The following SLC27A5 variants were observed in gnomAD, a reference collection of about 807,000 sequenced individuals.
SLC27A5 encodes long-chain fatty acid transport protein 5.
A neutral mutation model predicts 63.1 loss-of-function variants in SLC27A5; 47 were observed. That is an observed-to-expected ratio of 0.74 (90% CI 0.59 to 0.95). SLC27A5 has a LOEUF of 0.95. Among genes scored for constraint, SLC27A5 ranks in the 40% least tolerant of loss-of-function variants. The pLI, the probability that SLC27A5 is intolerant of heterozygous loss-of-function variation, is 0.00. For synonymous variants in SLC27A5, 391 were observed against 403.8 expected, an observed-to-expected ratio of 0.97 and a Z score of 0.38; for missense variants, 940 against 921.0, an observed-to-expected ratio of 1.02 and a Z score of -0.27.
intron 4 of SLC27A5, 141 bp from the exon 5 acceptor site, chr19:58,500,847 T>C: frequency 6.9e-7 from 1 of 1,446,766 alleles, no homozygotes; most frequent in Non-Finnish European, 9.1e-7. Flanking sequence ...CTAAGGGATC[T>C]ACCTGGGTTA....
At chr19:58,500,066 C>A (rs1175116509) in intron 6 of SLC27A5, among the ~76,000 whole-genome samples, 3 of 151,976 alleles carry the variant, frequency 2.0e-5, no homozygotes, top group African/African-American at 7.3e-5. Flanking sequence ...ATGCCGTCTT[C>A]CACAGAAAGC....
chr19:58,500,196 G>C lies in SLC27A5; in HGVS notation c.1468+143C>G, dbSNP rs55812926. On this transcript the variant is annotated intron_variant, in intron 6 of 9. Coordinates refer to ENST00000263093, the MANE Select transcript of SLC27A5 (RefSeq NM_012254.3). Reference sequence around the variant, plus strand: ...GAGGCCCCAGATGGTGGTAAGGCAGGCCACTGGCTCAGGGTCCAGATGAAG... The same window carrying C: ...GAGGCCCCAGATGGTGGTAAGGCAGCCCACTGGCTCAGGGTCCAGATGAAG... 1.1e-3 allele frequency: 762 copies of C among 673,640 alleles called. 6 individuals carry two copies. In the African/African-American group the frequency reaches 0.013, roughly 11 times the overall value. The allele number at this position is 673,640 out of a possible 1,614,324, so 41.7% of individuals were successfully genotyped here. A position where few individuals can be genotyped will look rare whatever the true frequency, so the allele number is the denominator to read the frequency against.
chr19:58,510,046 C>G (rs758701658), intron 2 of SLC27A5, 41 bp from the exon 3 acceptor site: 29 of 1,597,152 alleles, frequency 1.8e-5, no homozygotes, highest in Non-Finnish European at 2.5e-5. Context: ...GGTGACATGA[C>G]AGCACAGAGA....
chr19:58,501,662 G>A (rs770974584), intron 3 of SLC27A5, among the ~76,000 whole-genome samples: 5 of 152,156 alleles, frequency 3.3e-5, no homozygotes, highest in Admixed American at 1.3e-4. Flanking sequence ...AATAAGGGCT[G>A]TAAATATTAA....
intron 3 of SLC27A5, among the ~76,000 whole-genome samples, chr19:58,502,933 GAGGATC>G (rs1568629168): frequency 2.0e-4 from 31 of 152,210 alleles, no homozygotes; most frequent in East Asian, 1.2e-3. Context: ...GTGGCTGGGT[GAGGATC>G]GTCACGCCTG....
Position 58,510,793 on chromosome 19 carries a change from C to G in SLC27A5, c.826G>C (p.Val276Leu), listed in dbSNP as rs780287457. 1 of 1,613,680 alleles carries G rather than the reference C, an allele frequency of 6.2e-7. No homozygotes were observed. Among genetic ancestry groups the G allele is most frequent in the South Asian group, 1.1e-5 (1 of 90,990 alleles). The change falls in exon 2 of 10, where the codon GTG becomes CTG. Residue 276 changes from valine to leucine, a missense_variant. Coordinates refer to ENST00000263093, the MANE Select transcript of SLC27A5 (RefSeq NM_012254.3). ...ATCCCAGCACGCAGGTCAGCAGGCACTGGGTGGGAGGGCGCTGCATCCAGG... is the reference window on the plus strand; with the variant it reads ...ATCCCAGCACGCAGGTCAGCAGGCAGTGGGTGGGAGGGCGCTGCATCCAGG... ...AALDAAPSHP[V>L]PADLRAGITW...
chr19:58,501,478 A>C (rs2053273540), intron 3 of SLC27A5, 68 bp from the exon 4 acceptor site: 2 of 1,534,448 alleles, frequency 1.3e-6, no homozygotes, highest in African/African-American at 2.7e-5. Flanking sequence ...TGCTTTTAGC[A>C]CCTGTGCTCA....
Position 58,503,828 on chromosome 19 carries a change from A to G in SLC27A5, c.1058-2418T>C, listed in dbSNP as rs920155435. ...AAACAAACAAACAAAAAAACAGCCA[A>G]TTGGCTGGGCACAGTAGCTCACACC... is the stretch of plus-strand genomic sequence containing the variant. On this transcript the variant is annotated intron_variant, in intron 3 of 9. Transcript: ENST00000263093. Among the ~76,000 whole-genome samples, 19 of 152,262 alleles carry G rather than the reference A, an allele frequency of 1.2e-4. 1 individual carries two copies. In the East Asian group the frequency reaches 3.3e-3, roughly 26 times the overall value.
intron 3 of SLC27A5, 92 bp from the exon 4 acceptor site, chr19:58,501,502 C>T: frequency 7.2e-7 from 1 of 1,396,648 alleles, no homozygotes; most frequent in Non-Finnish European, 9.9e-7. Context: ...ACCCCCACAC[C>T]CTGAAATACA....
Position 58,511,896 on chromosome 19 carries a change from C to G in SLC27A5, c.60G>C (p.Leu20=). 6.5e-7 allele frequency: 1 copy of G among 1,549,508 alleles called. No homozygotes were observed. Among genetic ancestry groups the G allele is most frequent in the Non-Finnish European group, 8.7e-7 (1 of 1,147,080 alleles). Residue 20 remains leucine, a synonymous_variant, in exon 1 of 10, where the codon CTG becomes CTC. Coordinates refer to ENST00000263093, the MANE Select transcript of SLC27A5 (RefSeq NM_012254.3). Reference sequence around the variant, plus strand: ...CAGCGACTGGCCACACTGGCTGCCCCAGGCCCCAGAGCAGGAGCAGCAGCA... The same window carrying G: ...CAGCGACTGGCCACACTGGCTGCCCGAGGCCCCAGAGCAGGAGCAGCAGCA... The part of the protein sequence containing the change: ...LLLLLLLLWG[L]GQPVWPVAVA...
In SLC27A5 at chr19:58,504,577, G is replaced by C. The variant is rs1231169477; in HGVS notation, c.1058-3167C>G. 5.1e-4 allele frequency among the ~76,000 whole-genome samples: 26 copies of C among 51,332 alleles called. 2 individuals are homozygous for C. The East Asian group carries it at 5.2e-3, about 10-fold the overall frequency. The allele number at this position is 51,332 out of a possible 152,430, so 33.7% of individuals were successfully genotyped here. On this transcript the variant is annotated intron_variant, in intron 3 of 9. Coordinates refer to ENST00000263093, the MANE Select transcript of SLC27A5 (RefSeq NM_012254.3). ...GGCAGAAAACTGATTGAACCCTGGGGGGGGGGGGGGGGCGGGCGGGGCGGA... is the reference window on the plus strand; with the variant it reads ...GGCAGAAAACTGATTGAACCCTGGGCGGGGGGGGGGGGCGGGCGGGGCGGA...
In SLC27A5 at chr19:58,500,345, C is replaced by T. The variant is rs759139836; in HGVS notation, c.1462G>A (p.Gly488Arg). The T allele has an allele frequency of 1.2e-6, 2 of 1,612,892 alleles. No homozygotes were observed. The highest frequency in any genetic ancestry group is 2.2e-5 in the South Asian group (2 of 91,082). ...GGCTCCTCAACCCCCATACCTAGCCCTACAGGGATGCAGAAGCCCTGATTG... is the reference window on the plus strand; with the variant it reads ...GGCTCCTCAACCCCCATACCTAGCCTTACAGGGATGCAGAAGCCCTGATTG... ...RDNQGFCIPVGLGEPGLLLTK... is the reference protein window; with the variant it reads ...RDNQGFCIPVRLGEPGLLLTK... Residue 488 changes from glycine (G) to arginine (R), a missense_variant, in exon 6 of 10, where the codon GGG becomes AGG. Coordinates refer to ENST00000263093, the MANE Select transcript of SLC27A5 (RefSeq NM_012254.3).
At chr19:58,507,663 C>G (rs2053362431) in intron 3 of SLC27A5, 1 of 152,096 alleles carries the variant, frequency 6.6e-6, no homozygotes, top group Non-Finnish European at 1.5e-5. Flanking sequence ...TTGCAGAGAG[C>G]CTATAAGTGG....
At chr19:58,501,736 C>A (rs1352714131) in intron 3 of SLC27A5, among the ~76,000 whole-genome samples, 1 of 152,216 alleles carries the variant, frequency 6.6e-6, no homozygotes, top group Non-Finnish European at 1.5e-5. Flanking sequence ...TGCAGTGGTG[C>A]AATCTCCGCT....
Position 58,500,718 on chromosome 19 carries a change from T to C in SLC27A5, c.1183-12A>G. ...CGGTCCTCTGGTTGCTACAGGAATG[T>C]CCCCAGAAGGGTGAGGAGGAGGTGC... On this transcript the variant is annotated splice_polypyrimidine_tract_variant and intron_variant, in intron 4 of 9. Transcript: ENST00000263093. 1 of 1,606,380 alleles carries C rather than the reference T, an allele frequency of 6.2e-7. No individual in the cohort carries two copies. Among genetic ancestry groups the C allele is most frequent in the Non-Finnish European group, 8.5e-7 (1 of 1,173,874 alleles).
chr19:58,503,838 C>G (rs2053311619), intron 3 of SLC27A5, among the ~76,000 whole-genome samples: 2 of 152,150 alleles, frequency 1.3e-5, no homozygotes, highest in Non-Finnish European at 2.9e-5. Flanking sequence ...ATTGGCTGGG[C>G]ACAGTAGCTC....
rs762479853 is a variant in SLC27A5, at chr19:58,501,394, C to G, written c.1074G>C (p.Leu358=). Residue 358 remains leucine, a synonymous_variant, in exon 4 of 10, where the codon CTG becomes CTC. Transcript: ENST00000263093. ...GCLDLGATCV[L]APKFSTSCFW... ...AGCAGGAAGTAGAGAACTTGGGGGCCAGAACACAGGTGGCTCCTGGGAGAT... is the reference window on the plus strand; with the variant it reads ...AGCAGGAAGTAGAGAACTTGGGGGCGAGAACACAGGTGGCTCCTGGGAGAT... The G allele has an allele frequency of 6.2e-7, 1 of 1,613,442 alleles. No individual in the cohort carries two copies. Among genetic ancestry groups the G allele is most frequent in the Admixed American group, 1.7e-5 (1 of 59,950 alleles).
At chr19:58,502,941 TCAC>T (rs2053298244) in intron 3 of SLC27A5, among the ~76,000 whole-genome samples, 3 of 148,552 alleles carry the variant, frequency 2.0e-5, no homozygotes, top group Non-Finnish European at 3.0e-5. Context: ...GTGAGGATCG[TCAC>T]GCCTGTAATC....
intron 7 of SLC27A5, 96 bp downstream of exon 7, chr19:58,499,396 A>G: frequency 7.0e-7 from 1 of 1,430,488 alleles, no homozygotes; most frequent in Admixed American, 2.1e-5. Flanking sequence ...CCCTCTTACG[A>G]CAGGAAAGTC....
Sources: allele counts gnomAD v4.1 joint callset (sites outside exome capture counted in the v4.1 genomes callset), GRCh38; gene constraint gnomAD v4.1.1; transcripts MANE v1.5; gene names NCBI Gene and HGNC (gene_info 2026-07-23, HGNC 2026-07-21).